DMD: variants seen among roughly 807,000 people sequenced by gnomAD.
DMD encodes the protein mutant dystrophin.
Under a neutral mutation model 330.1 loss-of-function variants are expected in DMD, and 63 were observed. That is an observed-to-expected ratio of 0.19 (90% CI 0.16 to 0.24). The LOEUF is 0.24. Among genes scored for constraint, DMD ranks in the 10% least tolerant of loss-of-function variants. The probability of loss-of-function intolerance (pLI) is 1.00; values close to 1 mark genes in which losing one functional copy is unlikely to be tolerated. For synonymous variants in DMD, 1,223 were observed against 959.8 expected, an observed-to-expected ratio of 1.27 and a Z score of -5.07; for missense variants, 3,344 against 2,684.1, an observed-to-expected ratio of 1.25 and a Z score of -5.43.
chrX:31,581,153 C>T (rs961878399), intron 55 of DMD, among the ~76,000 whole-genome samples: 14 of 111,660 alleles, frequency 1.3e-4, no homozygotes, highest in Non-Finnish European at 1.7e-4. Context: ...TGGGAAGCTG[C>T]GCCTTGCTAA....
intron 60 of DMD, among the ~76,000 whole-genome samples, chrX:31,366,533 G>GA (rs202147976): frequency 2.7e-5 from 1 of 37,443 alleles, no homozygotes; most frequent in African/African-American, 9.1e-5. Flanking sequence ...AAAGATAAAA[G>GA]AAAAAAAAGA....
At chrX:31,689,177 T>A (rs1375378762) in intron 52 of DMD, among the ~76,000 whole-genome samples, 2 of 111,738 alleles carry the variant, frequency 1.8e-5, no homozygotes, top group African/African-American at 6.5e-5. Context: ...GGAAGTCAAA[T>A]TGTCCCTGTT....
intron 2 of DMD, among the ~76,000 whole-genome samples, chrX:32,938,452 T>C (rs1004333927): frequency 2.2e-4 from 24 of 111,374 alleles, no homozygotes; most frequent in Admixed American, 1.6e-3. Flanking sequence ...CTGTCCCTGA[T>C]AAATGAAAGT....
chrX:32,109,211 T>C (rs2096578103), intron 44 of DMD, among the ~76,000 whole-genome samples: 1 of 111,493 alleles, frequency 9.0e-6, no homozygotes, highest in Non-Finnish European at 1.9e-5. Context: ...CTACACTCAA[T>C]CTATCTGAGA....
At chrX:32,992,906 CAA>C (rs34177386) in intron 2 of DMD, among the ~76,000 whole-genome samples, 11 of 35,511 alleles carry the variant, frequency 3.1e-4, no homozygotes, top group African/African-American at 8.7e-4. Context: ...AGCTCTGTCT[CAA>C]AAAAAAAAAA....
intron 2 of DMD, among the ~76,000 whole-genome samples, chrX:33,000,984 G>A (rs990310879): frequency 1.3e-4 from 14 of 110,629 alleles, no homozygotes; most frequent in African/African-American, 3.0e-4. Context: ...TTTACTGTGC[G>A]CTAGGCACTC....
At chrX:32,521,283 C>A (rs2046394723) in intron 17 of DMD, among the ~76,000 whole-genome samples, 2 of 112,069 alleles carry the variant, frequency 1.8e-5, no homozygotes, top group Non-Finnish European at 3.8e-5. Flanking sequence ...AATTCCCCTG[C>A]CTCAGCCTCC....
chrX:31,346,165 C>T (rs2058067627), intron 61 of DMD, among the ~76,000 whole-genome samples: 1 of 111,359 alleles, frequency 9.0e-6, no homozygotes, highest in African/African-American at 3.3e-5. Context: ...AGTAAAATTA[C>T]AGTGCGATGC....
At chrX:31,801,892 T>G (rs2092085027) in intron 50 of DMD, among the ~76,000 whole-genome samples, 1 of 111,115 alleles carries the variant, frequency 9.0e-6, no homozygotes, top group South Asian at 3.8e-4. Flanking sequence ...TAACCTAGTT[T>G]GGGAGGTAAG....
intron 44 of DMD, among the ~76,000 whole-genome samples, chrX:32,146,659 G>T (rs746575242): frequency 1.8e-5 from 2 of 112,082 alleles, no homozygotes; most frequent in Non-Finnish European, 3.8e-5. Context: ...GGCTCTTAAA[G>T]AATCTGTCAC....
At chrX:32,912,751 A>G (rs752735088) in intron 2 of DMD, among the ~76,000 whole-genome samples, 2 of 111,756 alleles carry the variant, frequency 1.8e-5, no homozygotes, top group African/African-American at 6.5e-5. Context: ...TAGCAAGACT[A>G]TAAAACAAAG....
At chrX:31,925,203 T>C (rs897874803) in intron 47 of DMD, among the ~76,000 whole-genome samples, 2 of 111,887 alleles carry the variant, frequency 1.8e-5, no homozygotes, top group Admixed American at 1.9e-4. Flanking sequence ...CCCATTTTAA[T>C]ATTAGGATAT....
chrX:31,753,134 T>C (rs1211372044), intron 51 of DMD, among the ~76,000 whole-genome samples: 1 of 111,981 alleles, frequency 8.9e-6, no homozygotes, highest in Non-Finnish European at 1.9e-5. Context: ...AATGAATCAG[T>C]AGGCTTTGTG....
chrX:32,819,736 C>T (rs564326506), intron 5 of DMD, among the ~76,000 whole-genome samples: 11 of 107,990 alleles, frequency 1.0e-4, no homozygotes, highest in African/African-American at 3.4e-4. Context: ...AAATGCCGCT[C>T]GTTATCTGAT....
intron 76 of DMD, among the ~76,000 whole-genome samples, chrX:31,143,259 G>T (rs966129366): frequency 9.1e-6 from 1 of 110,493 alleles, no homozygotes; most frequent in African/African-American, 3.3e-5. Context: ...GATCATGGCG[G>T]CGGTTTCCCC....
intron 43 of DMD, among the ~76,000 whole-genome samples, chrX:32,267,393 G>A (rs762523686): frequency 8.9e-6 from 1 of 112,121 alleles, no homozygotes; most frequent in South Asian, 3.6e-4. Context: ...GAGGCAAAAT[G>A]AACTAATGAG....
At chrX:32,310,719 A>T (rs968075834) in intron 41 of DMD, among the ~76,000 whole-genome samples, 1 of 110,348 alleles carries the variant, frequency 9.1e-6, no homozygotes, top group Non-Finnish European at 1.9e-5. Flanking sequence ...ACTTTCCTGT[A>T]TCTATAGGAA....
intron 12 of DMD, among the ~76,000 whole-genome samples, chrX:32,603,269 T>G (rs2056383306): frequency 9.0e-6 from 1 of 111,304 alleles, no homozygotes; most frequent in African/African-American, 3.2e-5. Context: ...TGAATGATCT[T>G]TGGACAATGA....
chrX:32,861,500 A>C (rs911888935), intron 2 of DMD, among the ~76,000 whole-genome samples: 3 of 111,727 alleles, frequency 2.7e-5, no homozygotes, highest in African/African-American at 9.8e-5. Flanking sequence ...ATCTGAGAAG[A>C]GTTTAATAAG....
Sources: gnomAD v4.1 joint callset for allele counts (sites outside exome capture counted in the v4.1 genomes callset) on GRCh38, gnomAD v4.1.1 for gene constraint, MANE v1.5 for transcripts, NCBI Gene and HGNC (gene_info 2026-07-23, HGNC 2026-07-21) for gene names.